MED12L: variants seen among roughly 807,000 people sequenced by gnomAD.
The protein encoded by MED12L is mediator of RNA polymerase II transcription subunit 12-like protein.
MED12L carries 60 observed loss-of-function variants against 281.3 expected under a neutral mutation model. The observed-to-expected ratio is 0.21, with a 90% CI of 0.17 to 0.26. The LOEUF (loss-of-function observed/expected upper bound fraction) is 0.26. Among genes scored for constraint, MED12L ranks in the 10% least tolerant of loss-of-function variants. MED12L has a pLI of 1.00. For missense variants in MED12L, 2,146 were observed against 2,680.9 expected, an observed-to-expected ratio of 0.80 and a Z score of 4.41; for synonymous variants, 974 against 987.2, an observed-to-expected ratio of 0.99 and a Z score of 0.25.
chr3:151,396,257 A>G (rs1240895391), intron 39 of MED12L, among the ~76,000 whole-genome samples: 2 of 152,244 alleles, frequency 1.3e-5, no homozygotes, highest in East Asian at 3.8e-4. Flanking sequence ...ATTGCTTCAA[A>G]TCATTTTTGA....
intron 16 of MED12L, among the ~76,000 whole-genome samples, chr3:151,341,370 T>G (rs894839708): frequency 6.6e-6 from 1 of 152,152 alleles, no homozygotes; most frequent in African/African-American, 2.4e-5. Context: ...GTGTCGTTCA[T>G]GCTTTTCTTG....
chr3:151,283,227 G>A (rs928880941), intron 16 of MED12L, among the ~76,000 whole-genome samples: 62 of 152,202 alleles, frequency 4.1e-4, no homozygotes, highest in Non-Finnish European at 8.8e-5. Flanking sequence ...GGATACTAAC[G>A]TTGAGTCATG....
intron 16 of MED12L, among the ~76,000 whole-genome samples, chr3:151,333,447 G>A (rs1355087537): frequency 6.6e-6 from 1 of 152,214 alleles, no homozygotes; most frequent in Non-Finnish European, 1.5e-5. Flanking sequence ...TTTAACTGGT[G>A]TGAGATGATG....
intron 16 of MED12L, among the ~76,000 whole-genome samples, chr3:151,266,047 G>C (rs1156852037): frequency 2.0e-5 from 3 of 152,168 alleles, no homozygotes; most frequent in Non-Finnish European, 4.4e-5. Flanking sequence ...ACTTAGATTC[G>C]ACTTGGCAGT....
At chr3:151,250,947 G>C (rs969328106) in intron 16 of MED12L, among the ~76,000 whole-genome samples, 1 of 152,158 alleles carries the variant, frequency 6.6e-6, no homozygotes, top group African/African-American at 2.4e-5. Flanking sequence ...TTTGTGTGTT[G>C]TGTTTGTTCT....
chr3:151,169,114 T>TG (rs796192727), intron 11 of MED12L, among the ~76,000 whole-genome samples: 7 of 143,402 alleles, frequency 4.9e-5, no homozygotes, highest in African/African-American at 1.9e-4. Context: ...TTGTTTTTTT[T>TG]TTTTTTTGTT....
intron 5 of MED12L, among the ~76,000 whole-genome samples, chr3:151,151,124 C>T (rs1718442979): frequency 7.1e-6 from 1 of 141,000 alleles, no homozygotes; most frequent in South Asian, 2.3e-4. Flanking sequence ...GCAAGCTCCA[C>T]GTCCCGGGGT....
chr3:151,172,123 A>T (rs1001031374), intron 11 of MED12L, among the ~76,000 whole-genome samples: 9 of 152,188 alleles, frequency 5.9e-5, no homozygotes, highest in African/African-American at 2.2e-4. Flanking sequence ...GGGAGAGAGT[A>T]CGTGCAGGTA....
Position 151,360,600 on chromosome 3 carries a change from C to G in MED12L, c.2952C>G (p.Leu984=), listed in dbSNP as rs762879011. 117 of 1,611,662 alleles carry G rather than the reference C, an allele frequency of 7.3e-5. No homozygotes were observed. Among genetic ancestry groups the G allele is most frequent in the Non-Finnish European group, 9.6e-5 (113 of 1,178,638 alleles). The change falls in exon 21 of 45, where the codon CTC becomes CTG. Residue 984 remains leucine (L), a synonymous_variant. Transcript: ENST00000687756. ...ACCTCAGAAGTAAATTTGGAGACCT[C>G]TTCAGGTGAGTAGAAGAGACTCAAA... ...CSHLRSKFGD[L]FSSACSKVKQ...
At chr3:151,400,684 T>A (rs1715560217) in intron 39 of MED12L, among the ~76,000 whole-genome samples, 1 of 152,208 alleles carries the variant, frequency 6.6e-6, no homozygotes, top group Non-Finnish European at 1.5e-5. Context: ...GAACATGCTC[T>A]TGGATTACCA....
chr3:151,251,314 C>T (rs1310305782), intron 16 of MED12L, among the ~76,000 whole-genome samples: 3 of 152,152 alleles, frequency 2.0e-5, no homozygotes, highest in African/African-American at 7.2e-5. Flanking sequence ...CTACCCATTA[C>T]CCAAGCTGTC....
intron 3 of MED12L, among the ~76,000 whole-genome samples, chr3:151,117,258 G>A (rs886489417): frequency 6.6e-6 from 1 of 151,922 alleles, no homozygotes; most frequent in African/African-American, 2.4e-5. Flanking sequence ...TGTTCTGCCA[G>A]TAGGGGCCCC....
At chr3:151,201,168 T>C (rs1384889426) in intron 16 of MED12L, among the ~76,000 whole-genome samples, 9 of 152,218 alleles carry the variant, frequency 5.9e-5, no homozygotes, top group East Asian at 1.9e-4. Context: ...ACTAAGAATA[T>C]AAGTTTAGGC....
rs141276085 is a variant in MED12L at position 151,112,342 on chromosome 3, A to G, written c.100-3996A>G. Among the ~76,000 whole-genome samples the G allele has an allele frequency of 3.4e-5, 5 of 148,878 alleles. No individual in the cohort carries two copies. In the South Asian group the frequency reaches 6.3e-4, roughly 19 times the overall value. On this transcript the variant is annotated intron_variant, in intron 2 of 44. Coordinates refer to ENST00000687756, the MANE Select transcript of MED12L (RefSeq NM_001393769.1). ...GTTGCCCAGGCTGGAGTGCAGCAGC[A>G]CGATCTCTCCTCTCTGCAACCTCCA...
intron 16 of MED12L, among the ~76,000 whole-genome samples, chr3:151,296,236 C>T (rs1745073035): frequency 6.6e-6 from 1 of 152,024 alleles, no homozygotes; most frequent in South Asian, 2.1e-4. Context: ...TTTTTAGTTT[C>T]TGTTGTTAAA....
At chr3:151,361,667 C>G (rs1252125981) in intron 21 of MED12L, among the ~76,000 whole-genome samples, 1 of 152,034 alleles carries the variant, frequency 6.6e-6, no homozygotes, top group African/African-American at 2.4e-5. Context: ...TTATTTTTGG[C>G]TGTAGCTATA....
intron 31 of MED12L, 63 bp downstream of exon 31, chr3:151,378,236 C>G: frequency 6.9e-7 from 1 of 1,449,868 alleles, no homozygotes; most frequent in Non-Finnish European, 9.2e-7. Context: ...GTCTCACTTC[C>G]TGTAAACCTG....
At chr3:151,322,029 C>T (rs1749056497) in intron 16 of MED12L, among the ~76,000 whole-genome samples, 1 of 152,168 alleles carries the variant, frequency 6.6e-6, no homozygotes, top group African/African-American at 2.4e-5. Flanking sequence ...AGTTCTCTGG[C>T]CTGTGTGGTT....
At chr3:151,092,388 C>A (rs574277957) in intron 2 of MED12L, among the ~76,000 whole-genome samples, 1 of 152,368 alleles carries the variant, frequency 6.6e-6, no homozygotes, top group East Asian at 1.9e-4. Context: ...TGCATGAGAG[C>A]AGAGGCTTGT....
Sources: gnomAD v4.1 joint callset for allele counts (sites outside exome capture counted in the v4.1 genomes callset) on GRCh38, gnomAD v4.1.1 for gene constraint, MANE v1.5 for transcripts, NCBI Gene and HGNC (gene_info 2026-07-23, HGNC 2026-07-21) for gene names.